CES5A: variants seen among roughly 807,000 people sequenced by gnomAD.
The protein encoded by CES5A is carboxylesterase 5.
Under a neutral mutation model 62.9 loss-of-function variants are expected in CES5A, and 67 were observed. The observed-to-expected ratio is 1.07, with a 90% CI of 0.88 to 1.31. The LOEUF is 1.31. CES5A is among the 50% of genes most tolerant of loss of function. The pLI is 0.00. For missense variants in CES5A, 748 were observed against 708.5 expected, an observed-to-expected ratio of 1.06 and a Z score of -0.63; for synonymous variants, 296 against 280.8, an observed-to-expected ratio of 1.05 and a Z score of -0.54.
chr16:55,846,801 A>G lies in CES5A; in HGVS notation c.1463T>C (p.Met488Thr). The stretch of plus-strand genomic sequence containing the variant: ...AGCAAAGGTAGCCCAGTATTTCATC[A>G]TCTTCCGGCTCAGTAACTTCTCCTC... Reference protein sequence around the residue: ...TEEEKLLSRKMMKYWATFART... With the variant: ...TEEEKLLSRKTMKYWATFART... The change falls in exon 12 of 13, where the codon ATG becomes ACG. Residue 488 changes from methionine to threonine, a missense_variant. Physicochemically the swap from Met to Thr is moderately conservative, Grantham distance 81. Coordinates refer to ENST00000290567, the MANE Select transcript of CES5A (RefSeq NM_001143685.2). 6.2e-7 allele frequency: 1 copy of G among 1,614,130 alleles called. No homozygotes were observed. Among genetic ancestry groups the G allele is most frequent in the Non-Finnish European group, 8.5e-7 (1 of 1,180,022 alleles).
At chr16:55,852,343 T>C (rs1210929591) in intron 10 of CES5A, among the ~76,000 whole-genome samples, 3 of 152,230 alleles carry the variant, frequency 2.0e-5, no homozygotes, top group African/African-American at 7.2e-5. Flanking sequence ...GAAGATACTC[T>C]GCATGATTTC....
chr16:55,885,641 T>C (rs957960047), intron 1 of CES5A, among the ~76,000 whole-genome samples: 2 of 152,108 alleles, frequency 1.3e-5, no homozygotes, highest in African/African-American at 2.4e-5. Context: ...CTCCCAGAAA[T>C]GGGTCTGCCC....
chr16:55,954,807 T>A (rs1455548041), intron 1 of CES5A, among the ~76,000 whole-genome samples: 1 of 152,176 alleles, frequency 6.6e-6, no homozygotes, highest in Non-Finnish European at 1.5e-5. Flanking sequence ...ACTAAGCATG[T>A]ATACTTTCCA....
chr16:55,955,826 C>A, intron 1 of CES5A: 1 of 1,535,824 alleles, frequency 6.5e-7, no homozygotes, highest in Non-Finnish European at 8.7e-7. Flanking sequence ...GCAGTAGCAC[C>A]CTGTGGCTAA....
chr16:55,863,201 A>G (rs2033388848), intron 6 of CES5A, 147 bp downstream of exon 6: 1 of 639,598 alleles, frequency 1.6e-6, no homozygotes, highest in African/African-American at 1.8e-5. Flanking sequence ...CAGACCTTTC[A>G]CGGAGGAACA....
At chr16:55,885,701 C>A (rs2033808830) in intron 1 of CES5A, among the ~76,000 whole-genome samples, 1 of 152,146 alleles carries the variant, frequency 6.6e-6, no homozygotes, top group African/African-American at 2.4e-5. Context: ...CTGTGGGAAG[C>A]ATGGCCTTGA....
intron 1 of CES5A, among the ~76,000 whole-genome samples, chr16:55,885,657 T>A (rs1170969783): frequency 6.6e-6 from 1 of 152,190 alleles, no homozygotes; most frequent in Non-Finnish European, 1.5e-5. Flanking sequence ...TGCCCTTGTA[T>A]CCCTGCTACA....
At chr16:55,941,494 T>C (rs2034445765) in intron 2 of CES5A, among the ~76,000 whole-genome samples, 1 of 152,096 alleles carries the variant, frequency 6.6e-6, no homozygotes, top group African/African-American at 2.4e-5. Context: ...AGATACACCA[T>C]GTTCATGGAT....
chr16:55,879,845 T>G (rs2033743626), upstream of CES5A, among the ~76,000 whole-genome samples: 1 of 152,178 alleles, frequency 6.6e-6, no homozygotes, highest in African/African-American at 2.4e-5. Context: ...CACCAGCTTC[T>G]GCCTCCCAAA....
At position 55,864,106 on chromosome 16, in the gene CES5A, G is replaced by T. The variant is rs569689880; in HGVS notation, c.706-654C>A. Among the ~76,000 whole-genome samples the T allele has an allele frequency of 1.4e-4, 22 of 152,236 alleles. No individual in the cohort carries two copies. The South Asian group carries it at 4.6e-3, about 32-fold the overall frequency. The stretch of plus-strand genomic sequence containing the variant: ...CCTGTAAAACTGGAGTAAAAATTTA[G>T]CCCGTATCACAAAACTGTTGTGAGG... On this transcript the variant is annotated intron_variant, in intron 5 of 12. Coordinates refer to ENST00000290567, the MANE Select transcript of CES5A (RefSeq NM_001143685.2).
rs186119494 is a variant in CES5A at position 55,846,667 on chromosome 16, G to A, written c.1512C>T (p.Asn504=). The change falls in exon 13 of 13, where the codon AAC becomes AAT. Residue 504 remains asparagine (N), a synonymous_variant. Transcript: ENST00000290567. The part of the protein sequence containing the change: ...TFARTGNPNG[N]DLSLWPAYNL... ...TATAAGCTGGCCACAGAGACAGGTC[G>A]TTCCCATTAGGATTCCTAGAAGGGA... 6.8e-6 allele frequency: 11 copies of A among 1,614,042 alleles called. No individual in the cohort carries two copies. Among genetic ancestry groups the A allele is most frequent in the Non-Finnish European group, 8.5e-6 (10 of 1,179,958 alleles).
intron 1 of CES5A, 124 bp from the exon 2 acceptor site, chr16:55,874,161 TC>T: frequency 2.4e-6 from 2 of 831,304 alleles, no homozygotes; most frequent in Non-Finnish European, 3.7e-6. Context: ...GCTGGTGGTA[TC>T]CAGGTTCCCT....
intron 9 of CES5A, among the ~76,000 whole-genome samples, chr16:55,854,657 A>T (rs1297121677): frequency 6.8e-6 from 1 of 146,882 alleles, no homozygotes; most frequent in African/African-American, 2.5e-5. Context: ...TTGGCCTCCC[A>T]AGTAGCTGGC....
intron 2 of CES5A, among the ~76,000 whole-genome samples, chr16:55,939,486 G>A (rs2034424170): frequency 6.6e-6 from 1 of 152,140 alleles, no homozygotes; most frequent in Non-Finnish European, 1.5e-5. Context: ...TTGAAGTTAT[G>A]AATTATTTTT....
chr16:55,916,928 C>T (rs1453474987), intron 1 of CES5A, among the ~76,000 whole-genome samples: 1 of 152,202 alleles, frequency 6.6e-6, no homozygotes. Context: ...TTCACCTTAA[C>T]TGAACTCACA....
chr16:55,908,918 A>G (rs539967380), intron 1 of CES5A, among the ~76,000 whole-genome samples: 191 of 152,282 alleles, frequency 1.3e-3, no homozygotes, highest in African/African-American at 4.3e-3. Flanking sequence ...TGAGGGCTGA[A>G]CCCTTCTTCC....
chr16:55,848,445 C>T (rs1413822234), intron 11 of CES5A, among the ~76,000 whole-genome samples: 1 of 152,146 alleles, frequency 6.6e-6, no homozygotes, highest in African/African-American at 2.4e-5. Context: ...TGTTGATAGA[C>T]TTCTCTATTA....
At chr16:55,909,096 A>C (rs762528432) in intron 1 of CES5A, among the ~76,000 whole-genome samples, 1 of 152,252 alleles carries the variant, frequency 6.6e-6, no homozygotes, top group Non-Finnish European at 1.5e-5. Flanking sequence ...ACAAGCCCAC[A>C]AAAGGGCAAT....
chr16:55,920,213 C>T (rs2034190845), intron 1 of CES5A, among the ~76,000 whole-genome samples: 1 of 152,122 alleles, frequency 6.6e-6, no homozygotes, highest in Admixed American at 6.5e-5. Context: ...TCATTCTGCC[C>T]AGCACCAAGT....
Sources: allele counts gnomAD v4.1 joint callset (sites outside exome capture counted in the v4.1 genomes callset), GRCh38; gene constraint gnomAD v4.1.1; transcripts MANE v1.5; gene names NCBI Gene and HGNC (gene_info 2026-07-23, HGNC 2026-07-21).